Variants in ATRNL1 observed in about 807,000 individuals in gnomAD.
ATRNL1 encodes attractin-like protein 1.
In ATRNL1, 95 loss-of-function variants were observed where a neutral mutation model predicts 182.7. That is an observed-to-expected ratio of 0.52 (90% CI 0.44 to 0.62). ATRNL1 has a LOEUF of 0.62. Among genes scored for constraint, ATRNL1 ranks in the 20% least tolerant of loss-of-function variants. ATRNL1 has a pLI of 0.00. For synonymous variants in ATRNL1, 576 were observed against 568.3 expected, an observed-to-expected ratio of 1.01 and a Z score of -0.19; for missense variants, 1,471 against 1,679.5, an observed-to-expected ratio of 0.88 and a Z score of 2.17.
intron 19 of ATRNL1, among the ~76,000 whole-genome samples, chr10:115,355,583 T>G (rs1554942585): frequency 6.6e-6 from 1 of 152,096 alleles, no homozygotes; most frequent in Non-Finnish European, 1.5e-5. Context: ...CAATTATTTG[T>G]AAAACAAAAG....
intron 26 of ATRNL1, among the ~76,000 whole-genome samples, chr10:115,634,819 C>G (rs1334399813): frequency 6.6e-6 from 1 of 152,042 alleles, no homozygotes; most frequent in African/African-American, 2.4e-5. Flanking sequence ...GATGTGCCGG[C>G]AAGATGGCCT....
chr10:115,174,711 G>A (rs1227941373), intron 8 of ATRNL1, among the ~76,000 whole-genome samples: 1 of 151,880 alleles, frequency 6.6e-6, no homozygotes, highest in Non-Finnish European at 1.5e-5. Context: ...GCATGGTTGT[G>A]TTCAATAAAA....
intron 8 of ATRNL1, among the ~76,000 whole-genome samples, chr10:115,185,247 C>G (rs1466700781): frequency 6.6e-6 from 1 of 152,038 alleles, no homozygotes; most frequent in Non-Finnish European, 1.5e-5. Flanking sequence ...GCACACTGAG[C>G]ACTCGTATTC....
At chr10:115,929,024 C>A (rs911947587) in intron 28 of ATRNL1, among the ~76,000 whole-genome samples, 1 of 151,934 alleles carries the variant, frequency 6.6e-6, no homozygotes, top group Non-Finnish European at 1.5e-5. Flanking sequence ...ATTCACAAAG[C>A]CCATTTTGAA....
chr10:115,489,707 G>A (rs181578855), intron 24 of ATRNL1, among the ~76,000 whole-genome samples: 2 of 152,250 alleles, frequency 1.3e-5, no homozygotes, highest in Admixed American at 1.3e-4. Flanking sequence ...TTTAATTGGG[G>A]CATTTAGCCC....
At chr10:115,912,100 A>T (rs975436562) in intron 28 of ATRNL1, among the ~76,000 whole-genome samples, 3 of 152,206 alleles carry the variant, frequency 2.0e-5, no homozygotes, top group Admixed American at 2.0e-4. Flanking sequence ...ACTACAGGAG[A>T]CAGGGCAGCC....
intron 24 of ATRNL1, among the ~76,000 whole-genome samples, chr10:115,500,168 A>G (rs1350447553): frequency 6.6e-6 from 1 of 152,168 alleles, no homozygotes; most frequent in African/African-American, 2.4e-5. Context: ...GCATGTATGA[A>G]TGTGGCTTAT....
chr10:115,093,760 G>A lies in ATRNL1; in HGVS notation c.10G>A (p.Gly4Arg). 1 of 1,415,502 alleles carries A rather than the reference G, an allele frequency of 7.1e-7. No homozygotes were observed. Among genetic ancestry groups the A allele is most frequent in the Non-Finnish European group, 9.2e-7 (1 of 1,092,518 alleles). The allele number at this position is 1,415,502 out of a possible 1,614,324, so 87.7% of individuals were successfully genotyped here. A position where few individuals can be genotyped will look rare whatever the true frequency, so the allele number is the denominator to read the frequency against. ...AGGGGCGCCGGGGAAGATGGAGACT[G>A]GGGGCCGGGCCCGCACTGGTACCCC... The part of the protein sequence containing the change: MET[G>R]GRARTGTPQP... The change falls in exon 1 of 29, where the codon GGG becomes AGG. Residue 4 changes from glycine (G) to arginine (R), a missense_variant. Coordinates refer to ENST00000355044, the MANE Select transcript of ATRNL1 (RefSeq NM_207303.4). The surrounding 1 kb of genome is among the most constrained non-coding windows in gnomAD (Gnocchi z 6.1).
chr10:115,140,259 C>T (rs1845703966), intron 5 of ATRNL1, among the ~76,000 whole-genome samples: 1 of 152,160 alleles, frequency 6.6e-6, no homozygotes, highest in Admixed American at 6.5e-5. Flanking sequence ...GAAAGAGGTT[C>T]TCTTTCTGGA....
At chr10:115,430,253 A>AT (rs1317656319) in intron 21 of ATRNL1, among the ~76,000 whole-genome samples, 2 of 151,742 alleles carry the variant, frequency 1.3e-5, no homozygotes, top group Non-Finnish European at 2.9e-5. Context: ...TAGTTATTTT[A>AT]TTTTTTTATT....
Position 115,129,250 on chromosome 10 carries a change from A to T in ATRNL1, c.621-77A>T. 2.8e-6 allele frequency: 3 copies of T among 1,054,940 alleles called. No individual in the cohort carries two copies. The South Asian group carries it at 4.4e-5, about 15-fold the overall frequency. 65.3% of individuals were successfully genotyped at this position (1,054,940 alleles called of 1,614,324 possible). A position where few individuals can be genotyped will look rare whatever the true frequency, so the allele number is the denominator to read the frequency against. ...GCACATAGGACACAGTATAAAAATT[A>T]TAAAGTTTATGATGTATCAACCAAA... On this transcript the variant is annotated intron_variant, in intron 4 of 28. Coordinates refer to ENST00000355044, the MANE Select transcript of ATRNL1 (RefSeq NM_207303.4).
intron 26 of ATRNL1, among the ~76,000 whole-genome samples, chr10:115,651,563 T>C (rs1471487852): frequency 2.0e-5 from 3 of 152,186 alleles, no homozygotes; most frequent in Non-Finnish European, 4.4e-5. Flanking sequence ...TTATCCTACT[T>C]CATGTTTGTT....
At chr10:115,281,643 G>T (rs1852366089) in intron 14 of ATRNL1, among the ~76,000 whole-genome samples, 156 bp downstream of exon 14, 1 of 152,018 alleles carries the variant, frequency 6.6e-6, no homozygotes, top group Admixed American at 6.6e-5. Flanking sequence ...GTTTCTACAA[G>T]AAAAGTTTTT....
intron 24 of ATRNL1, among the ~76,000 whole-genome samples, chr10:115,512,634 GC>G (rs1240978190): frequency 1.3e-5 from 2 of 151,776 alleles, no homozygotes; most frequent in African/African-American, 2.4e-5. Flanking sequence ...TTGGAAGAGT[GC>G]TGTGAACAAT....
At chr10:115,268,741 C>T (rs1217331642) in intron 13 of ATRNL1, among the ~76,000 whole-genome samples, 1 of 152,138 alleles carries the variant, frequency 6.6e-6, no homozygotes, top group Non-Finnish European at 1.5e-5. Flanking sequence ...ATGTTGTCTT[C>T]TGTTCCTATG....
At chr10:115,187,174 A>ATT (rs34825200) in intron 8 of ATRNL1, among the ~76,000 whole-genome samples, 3,946 of 141,844 alleles carry the variant, frequency 0.028, 65 homozygotes, top group South Asian at 0.061. Context: ...TCTGGGAATA[A>ATT]TTTTTTTTTT....
intron 26 of ATRNL1, among the ~76,000 whole-genome samples, chr10:115,683,872 A>G (rs537983358): frequency 9.2e-5 from 14 of 151,962 alleles, no homozygotes; most frequent in Non-Finnish European, 1.8e-4. Flanking sequence ...TAAATTACAT[A>G]CACATTAATA....
chr10:115,505,841 T>A (rs929623924), intron 24 of ATRNL1, among the ~76,000 whole-genome samples: 6 of 151,990 alleles, frequency 3.9e-5, no homozygotes, highest in Admixed American at 3.9e-4. Flanking sequence ...AAAAATTTTT[T>A]TAAATCTCAT....
intron 20 of ATRNL1, among the ~76,000 whole-genome samples, chr10:115,419,849 A>G (rs1845571342): frequency 6.6e-6 from 1 of 152,134 alleles, no homozygotes; most frequent in Non-Finnish European, 1.5e-5. Flanking sequence ...ACTTTCAGCA[A>G]TGTGCAGATC....
Sources: gnomAD v4.1 joint callset for allele counts (sites outside exome capture counted in the v4.1 genomes callset) on GRCh38, gnomAD v4.1.1 for gene constraint, Gnocchi (gnomAD v3.1) non-coding constraint, MANE v1.5 for transcripts, NCBI Gene and HGNC (gene_info 2026-07-23, HGNC 2026-07-21) for gene names.